The following ANKRD33B variants were observed in gnomAD, a reference collection of about 807,000 sequenced individuals.
The protein encoded by ANKRD33B is ankyrin repeat domain-containing protein 33B.
Under a neutral mutation model 21.5 loss-of-function variants are expected in ANKRD33B, and 6 were observed. The observed-to-expected ratio is 0.28, with a 90% confidence interval of 0.15 to 0.55. ANKRD33B has a LOEUF of 0.55. ANKRD33B is among the 20% of genes least tolerant of loss of function. The pLI, the probability that ANKRD33B is intolerant of heterozygous loss-of-function variation, is 0.94. For missense variants in ANKRD33B, 698 were observed against 747.2 expected, an observed-to-expected ratio of 0.93 and a Z score of 0.77; for synonymous variants, 347 against 342.4, an observed-to-expected ratio of 1.01 and a Z score of -0.15.
chr5:10,588,810 G>A (rs1003136298), intron 1 of ANKRD33B, among the ~76,000 whole-genome samples: 2 of 152,184 alleles, frequency 1.3e-5, no homozygotes, highest in South Asian at 2.1e-4. Flanking sequence ...GACGTTTGTC[G>A]TATGCCATTG....
At chr5:10,644,418 C>T (rs1047338008) in intron 3 of ANKRD33B, among the ~76,000 whole-genome samples, 1 of 152,192 alleles carries the variant, frequency 6.6e-6, no homozygotes. Flanking sequence ...TGAAGAGAGG[C>T]AGAATCTGTG....
rs541085392 is a variant in ANKRD33B at position 10,604,937 on chromosome 5, G to A, written c.367-13396G>A. Among the ~76,000 whole-genome samples, 40 of 152,228 alleles carry A rather than the reference G, an allele frequency of 2.6e-4. 1 individual carries two copies. In the South Asian group the frequency reaches 6.9e-3, roughly 26 times the overall value. On this transcript the variant is annotated intron_variant, in intron 1 of 3. Coordinates refer to ENST00000296657, the MANE Select transcript of ANKRD33B (RefSeq NM_001164440.2). Reference sequence around the variant, plus strand: ...TTTTCTCTCACAGTGTCTATGGCTCGGGAATGTGGGAACCTGGTTGGGCAG... The same window carrying A: ...TTTTCTCTCACAGTGTCTATGGCTCAGGAATGTGGGAACCTGGTTGGGCAG...
intron 1 of ANKRD33B, among the ~76,000 whole-genome samples, chr5:10,579,744 A>G (rs1390176305): frequency 6.6e-6 from 1 of 152,178 alleles, no homozygotes; most frequent in African/African-American, 2.4e-5. Context: ...GAAAGGTCAA[A>G]GTAATGGGAA....
rs369591079 is a variant in ANKRD33B at position 10,618,332 on chromosome 5, G to A, written c.367-1G>A. 1.3e-6 allele frequency: 2 copies of A among 1,536,876 alleles called. No homozygotes were observed. Among genetic ancestry groups the A allele is most frequent in the African/African-American group, 2.7e-5 (2 of 73,000 alleles). On this transcript the variant is annotated splice_acceptor_variant, in intron 1 of 3. Transcript: ENST00000296657. LOFTEE classifies it high-confidence loss of function. ...GACCCGCTTCCCCTCTTCATTTCTA[G>A]ACCGGCCTTATTGTCGCCTGCTACC...
intron 2 of ANKRD33B, among the ~76,000 whole-genome samples, chr5:10,624,038 T>C (rs1736484380): frequency 6.6e-6 from 1 of 152,216 alleles, no homozygotes; most frequent in Non-Finnish European, 1.5e-5. Context: ...GATGCCTAGA[T>C]GGGTTTACTC....
chr5:10,567,431 T>G (rs77021700), intron 1 of ANKRD33B, among the ~76,000 whole-genome samples: 5,578 of 152,314 alleles, frequency 0.037, 373 homozygotes, highest in African/African-American at 0.13. Flanking sequence ...GTCCTAGCCT[T>G]TTAGTGAGGA....
At chr5:10,573,482 A>C (rs1735247281) in intron 1 of ANKRD33B, among the ~76,000 whole-genome samples, 1 of 152,056 alleles carries the variant, frequency 6.6e-6, no homozygotes, top group African/African-American at 2.4e-5. Flanking sequence ...AAAAAAAAAA[A>C]AAAACCTCTT....
intron 3 of ANKRD33B, among the ~76,000 whole-genome samples, chr5:10,648,882 G>A (rs947010417): frequency 2.6e-5 from 4 of 152,258 alleles, no homozygotes; most frequent in African/African-American, 7.2e-5. Context: ...CGTAATCCCA[G>A]CACTTTGGAA....
intron 1 of ANKRD33B, among the ~76,000 whole-genome samples, chr5:10,605,484 C>G (rs1352440892): frequency 6.6e-6 from 1 of 152,046 alleles, no homozygotes; most frequent in African/African-American, 2.4e-5. Flanking sequence ...GTAATTCATC[C>G]CCTGCATGAC....
At chr5:10,586,181 T>TC (rs1216688255) in intron 1 of ANKRD33B, among the ~76,000 whole-genome samples, 1 of 151,508 alleles carries the variant, frequency 6.6e-6, no homozygotes, top group Non-Finnish European at 1.5e-5. Context: ...GTTCCAGGAC[T>TC]CCCCCACCTA....
intron 1 of ANKRD33B, among the ~76,000 whole-genome samples, chr5:10,589,704 T>G (rs371860758): frequency 1.3e-5 from 2 of 152,370 alleles, no homozygotes; most frequent in African/African-American, 4.8e-5. Context: ...ATGCTAAAGT[T>G]ATTATATTCT....
At chr5:10,588,359 G>A (rs189774884) in intron 1 of ANKRD33B, among the ~76,000 whole-genome samples, 3 of 152,194 alleles carry the variant, frequency 2.0e-5, no homozygotes, top group South Asian at 2.1e-4. Flanking sequence ...GGATATGTTC[G>A]TTTCTTTAAC....
rs375226554 is a variant in ANKRD33B, at chr5:10,640,133, T to C, written c.637+1965T>C. 1.1e-4 allele frequency among the ~76,000 whole-genome samples: 11 copies of C among 98,882 alleles called. 2 individuals are homozygous for C. Among genetic ancestry groups the C allele is most frequent in the Admixed American group, 1.8e-4 (2 of 10,904 alleles). 64.9% of individuals were successfully genotyped at this position (98,882 alleles called of 152,430 possible). A position where few individuals can be genotyped will look rare whatever the true frequency, so the allele number is the denominator to read the frequency against. ...TGCGCGGTGATGTTAGCGGGTGACG[T>C]GGAGTTGTGTGGTGATGTTAGCGGG... On this transcript the variant is annotated intron_variant, in intron 3 of 3. Coordinates refer to ENST00000296657, the MANE Select transcript of ANKRD33B (RefSeq NM_001164440.2).
At chr5:10,579,138 T>C (rs560949431) in intron 1 of ANKRD33B, among the ~76,000 whole-genome samples, 27 of 144,142 alleles carry the variant, frequency 1.9e-4, no homozygotes, top group Middle Eastern at 3.6e-3. Flanking sequence ...CACTCTAGTC[T>C]GGGCAAGGGA....
rs573669383 is a variant in ANKRD33B at position 10,654,193 on chromosome 5, C to A, written c.*4080C>A. On this transcript the variant is annotated 3_prime_UTR_variant, in exon 4 of 4. Coordinates refer to ENST00000296657, the MANE Select transcript of ANKRD33B (RefSeq NM_001164440.2). ...GACCCCAGAGTGAATGAATGGCAGG[C>A]CTGCCAGTGACTGTGCTGATGGCTT... The A allele has an allele frequency of 6.6e-6, 1 of 152,426 alleles. No homozygotes were observed. Among genetic ancestry groups the A allele is most frequent in the African/African-American group, 2.4e-5 (1 of 41,450 alleles). 9.4% of individuals were successfully genotyped at this position (152,426 alleles called of 1,614,324 possible). A position where few individuals can be genotyped will look rare whatever the true frequency, so the allele number is the denominator to read the frequency against.
In ANKRD33B at chr5:10,609,456, G is replaced by C. The variant is rs567082310; in HGVS notation, c.367-8877G>C. Among the ~76,000 whole-genome samples, 25 of 152,290 alleles carry C rather than the reference G, an allele frequency of 1.6e-4. No individual in the cohort carries two copies. The South Asian group carries it at 3.7e-3, about 23-fold the overall frequency. On this transcript the variant is annotated intron_variant, in intron 1 of 3. Transcript: ENST00000296657. ...AGTCCCAGCTACTAGGGAGGCTGAG[G>C]GGGGAGGATTGTTTGAGCCTGGGAG...
intron 2 of ANKRD33B, among the ~76,000 whole-genome samples, chr5:10,635,962 T>C (rs549230256): frequency 1.5e-4 from 23 of 152,234 alleles, no homozygotes; most frequent in Non-Finnish European, 2.6e-4. Context: ...AGCGTCATGC[T>C]CACGTAGTAT....
chr5:10,574,413 A>G (rs904756105), intron 1 of ANKRD33B, among the ~76,000 whole-genome samples: 11 of 152,170 alleles, frequency 7.2e-5, no homozygotes, highest in Non-Finnish European at 8.8e-5. Context: ...TTTTTTTTCT[A>G]GATCTAACAC....
intron 1 of ANKRD33B, among the ~76,000 whole-genome samples, chr5:10,595,325 C>T (rs1427079743): frequency 6.6e-6 from 1 of 152,130 alleles, no homozygotes; most frequent in African/African-American, 2.4e-5. Flanking sequence ...TTGATTCTCT[C>T]ACAATTCTGG....
Sources: gnomAD v4.1 joint callset for allele counts (sites outside exome capture counted in the v4.1 genomes callset) on GRCh38, gnomAD v4.1.1 for gene constraint, MANE v1.5 for transcripts, NCBI Gene and HGNC (gene_info 2026-07-23, HGNC 2026-07-21) for gene names.